Variants in IPO11 observed in about 807,000 individuals in gnomAD.
IPO11 encodes importin 11, also known as importin-11.
In IPO11, 66 loss-of-function variants were observed where a neutral mutation model predicts 143.2. The ratio of observed to expected loss-of-function variants is 0.46; its 90% confidence interval spans 0.38 to 0.57. The LOEUF (loss-of-function observed/expected upper bound fraction) is 0.57, where lower values mean the gene tolerates loss of function less well. Ranked by LOEUF, IPO11 falls within the 20% of genes least tolerant of loss-of-function variation. The pLI is 0.00. For missense variants in IPO11, 1,026 were observed against 1,141.0 expected (o/e 0.90, Z 1.45); for synonymous variants, 385 against 377.8 (o/e 1.02, Z -0.22).
intron 27 of IPO11, among the ~76,000 whole-genome samples, chr5:62,586,768 AATATAT>A (rs56808416): frequency 0.011 from 315 of 28,908 alleles, 3 homozygotes; most frequent in African/African-American, 0.037. Context: ...AAAAAAAAAA[AATATAT>A]ATATATATAT....
chr5:62,483,896 T>G, intron 10 of IPO11, 114 bp from the exon 11 acceptor site: 1 of 846,946 alleles, frequency 1.2e-6, no homozygotes, highest in East Asian at 2.9e-5. Context: ...TGAAAATTTA[T>G]ACACAAGTGT....
intron 24 of IPO11, among the ~76,000 whole-genome samples, chr5:62,542,609 C>A (rs2112333395): frequency 6.6e-6 from 1 of 152,078 alleles, no homozygotes; most frequent in African/African-American, 2.4e-5. Flanking sequence ...TTTCTTTGTT[C>A]TTTGAAGCAG....
chr5:62,456,615 C>T (rs1385912723), intron 5 of IPO11, among the ~76,000 whole-genome samples: 1 of 152,202 alleles, frequency 6.6e-6, no homozygotes, highest in Non-Finnish European at 1.5e-5. Flanking sequence ...TACGACGATG[C>T]CCGGCCTGGA....
chr5:62,445,045 A>G lies in IPO11; in HGVS notation c.239+1962A>G, dbSNP rs1339694584. On this transcript the variant is annotated intron_variant, in intron 3 of 29. Coordinates refer to ENST00000325324, the MANE Select transcript of IPO11 (RefSeq NM_016338.5). Reference sequence around the variant, plus strand: ...AATTTAAAAAGTTATGAGATAATTTATACAATATTAGGTAGTTAAATCCCA... The same window carrying G: ...AATTTAAAAAGTTATGAGATAATTTGTACAATATTAGGTAGTTAAATCCCA... Among the ~76,000 whole-genome samples, 3 of 152,118 alleles carry G rather than the reference A, an allele frequency of 2.0e-5. No homozygotes were observed. The East Asian group carries it at 5.8e-4, about 29-fold the overall frequency.
At chr5:62,589,698 G>C (rs145237228) in intron 27 of IPO11, among the ~76,000 whole-genome samples, 47 of 152,254 alleles carry the variant, frequency 3.1e-4, no homozygotes, top group Middle Eastern at 6.8e-3. Context: ...TAATGATGCT[G>C]AAGGGCCCCC....
chr5:62,599,905 A>G (rs1745440195), intron 28 of IPO11, among the ~76,000 whole-genome samples: 1 of 152,070 alleles, frequency 6.6e-6, no homozygotes, highest in Non-Finnish European at 1.5e-5. Context: ...TTAGTTGGAA[A>G]TTTTCCTGCA....
chr5:62,470,915 C>T, intron 7 of IPO11, among the ~76,000 whole-genome samples: 1 of 139,936 alleles, frequency 7.1e-6, no homozygotes, highest in Non-Finnish European at 1.5e-5. Flanking sequence ...GCAACCTCTG[C>T]CTCCTGGGTT....
intron 5 of IPO11, among the ~76,000 whole-genome samples, chr5:62,464,415 A>G (rs1264683089): frequency 1.3e-5 from 2 of 152,060 alleles, no homozygotes; most frequent in Non-Finnish European, 1.5e-5. Context: ...CTGGGATTAC[A>G]GGTGTGAGCC....
At chr5:62,547,411 G>C (rs577270763) in intron 24 of IPO11, among the ~76,000 whole-genome samples, 1 of 152,178 alleles carries the variant, frequency 6.6e-6, no homozygotes, top group East Asian at 1.9e-4. Flanking sequence ...GTACCCATTT[G>C]ACCAAACAGG....
At chr5:62,536,242 A>G (rs1017870089) in intron 22 of IPO11, among the ~76,000 whole-genome samples, 1 of 152,176 alleles carries the variant, frequency 6.6e-6, no homozygotes, top group African/African-American at 2.4e-5. Context: ...ATTCAGTTTC[A>G]TGTAGTATGC....
Position 62,616,392 on chromosome 5 carries a change from A to G in IPO11, c.2764-10762A>G, listed in dbSNP as rs899181044. Reference sequence around the variant, plus strand: ...TGAAGATTCCTCAATAAATCAAAATATAATCAAATAACATTTAAAAATATA... The same window carrying G: ...TGAAGATTCCTCAATAAATCAAAATGTAATCAAATAACATTTAAAAATATA... On this transcript the variant is annotated intron_variant, in intron 29 of 29. Coordinates refer to ENST00000325324, the MANE Select transcript of IPO11 (RefSeq NM_016338.5). Among the ~76,000 whole-genome samples, 5 of 152,306 alleles carry G rather than the reference A, an allele frequency of 3.3e-5. No individual in the cohort carries two copies. The East Asian group carries it at 7.7e-4, about 24-fold the overall frequency.
At chr5:62,495,931 T>C (rs750520511) in intron 16 of IPO11, among the ~76,000 whole-genome samples, 41 of 152,340 alleles carry the variant, frequency 2.7e-4, no homozygotes, top group East Asian at 2.1e-3. Flanking sequence ...CAGATAAGTT[T>C]GGAAGACTCT....
intron 27 of IPO11, among the ~76,000 whole-genome samples, chr5:62,585,885 A>G (rs1744754434): frequency 6.6e-6 from 1 of 152,196 alleles, no homozygotes. Context: ...ATGAGAAGGA[A>G]GGTCAAAACT....
At chr5:62,440,782 G>A (rs1744442545) in intron 2 of IPO11, among the ~76,000 whole-genome samples, 1 of 152,022 alleles carries the variant, frequency 6.6e-6, no homozygotes, top group South Asian at 2.1e-4. Flanking sequence ...GGCCAACATG[G>A]TGAAAGCCCG....
At chr5:62,581,049 A>G in intron 27 of IPO11, 1 of 1,550,604 alleles carries the variant, frequency 6.4e-7, no homozygotes, top group African/African-American at 1.4e-5. Flanking sequence ...TTTTCATCTT[A>G]GCTTGTGTTT....
chr5:62,547,470 C>A (rs1449281176), intron 24 of IPO11, among the ~76,000 whole-genome samples: 1 of 152,078 alleles, frequency 6.6e-6, no homozygotes, highest in East Asian at 1.9e-4. Context: ...CACTGTTCAG[C>A]TTTTCTATAT....
chr5:62,542,122 C>T (rs1742972732), intron 24 of IPO11, among the ~76,000 whole-genome samples: 1 of 151,064 alleles, frequency 6.6e-6, no homozygotes, highest in Non-Finnish European at 1.5e-5. Flanking sequence ...GTTGCCCAGG[C>T]TGGAGTGCAA....
chr5:62,525,899 T>G (rs1742355595), intron 20 of IPO11, among the ~76,000 whole-genome samples: 1 of 152,222 alleles, frequency 6.6e-6, no homozygotes. Flanking sequence ...AATGAACAGA[T>G]GTATGTAGCC....
chr5:62,453,991 C>T (rs1426144463), intron 5 of IPO11, among the ~76,000 whole-genome samples: 2 of 152,082 alleles, frequency 1.3e-5, no homozygotes, highest in African/African-American at 2.4e-5. Flanking sequence ...AAAAAATAGC[C>T]GGGCGTGGTG....
Sources: allele counts gnomAD v4.1 joint callset (sites outside exome capture counted in the v4.1 genomes callset), GRCh38; gene constraint gnomAD v4.1.1; transcripts MANE v1.5; gene names NCBI Gene and HGNC (gene_info 2026-07-23, HGNC 2026-07-21).